The following TRPM3 variants were observed in gnomAD, a reference collection of about 807,000 sequenced individuals.
TRPM3 encodes long transient receptor potential channel 3.
A neutral mutation model predicts 181.2 loss-of-function variants in TRPM3; 77 were observed. The ratio of observed to expected loss-of-function variants is 0.42; its 90% CI spans 0.35 to 0.51. The LOEUF (loss-of-function observed/expected upper bound fraction) is 0.51, where lower values mean the gene tolerates loss of function less well. Among genes scored for constraint, TRPM3 ranks in the 20% least tolerant of loss-of-function variants. The pLI, the probability that TRPM3 is intolerant of heterozygous loss-of-function variation, is 0.01. For synonymous variants in TRPM3, 745 were observed against 796.4 expected, an observed-to-expected ratio of 0.94 and a Z score of 1.09; for missense variants, 1,759 against 2,196.7, an observed-to-expected ratio of 0.80 and a Z score of 3.98.
intron 1 of TRPM3, among the ~76,000 whole-genome samples, chr9:71,060,883 G>T (rs914099684): frequency 6.6e-6 from 1 of 152,010 alleles, no homozygotes; most frequent in African/African-American, 2.4e-5. Flanking sequence ...TTACCTGTGA[G>T]GGCAAATATT....
chr9:71,138,350 C>T (rs2074895040), intron 1 of TRPM3, among the ~76,000 whole-genome samples: 1 of 152,116 alleles, frequency 6.6e-6, no homozygotes, highest in African/African-American at 2.4e-5. Context: ...GCTTTTCCAT[C>T]CCCAGGTAGA....
At chr9:71,092,797 T>C (rs1269428204) in intron 1 of TRPM3, among the ~76,000 whole-genome samples, 1 of 152,168 alleles carries the variant, frequency 6.6e-6, no homozygotes, top group Non-Finnish European at 1.5e-5. Context: ...GACATTCATT[T>C]GTTTAAAAAT....
At chr9:70,833,606 C>T (rs2094106569) in intron 5 of TRPM3, among the ~76,000 whole-genome samples, 1 of 152,026 alleles carries the variant, frequency 6.6e-6, no homozygotes, top group African/African-American at 2.4e-5. Flanking sequence ...CCCACTAATC[C>T]TACTCTTTTC....
intron 1 of TRPM3, among the ~76,000 whole-genome samples, chr9:70,909,216 T>G (rs1332266641): frequency 6.6e-6 from 1 of 152,212 alleles, no homozygotes; most frequent in Non-Finnish European, 1.5e-5. Context: ...AGCCATCTAA[T>G]TTAGAAGAGT....
intron 18 of TRPM3, 45 bp from the exon 19 acceptor site, chr9:70,610,794 A>C: frequency 6.2e-7 from 1 of 1,605,744 alleles, no homozygotes; most frequent in Non-Finnish European, 8.5e-7. Flanking sequence ...GGCTCTGGAG[A>C]GCATGTTGTT....
chr9:71,180,033 C>A (rs945577706), intron 1 of TRPM3, among the ~76,000 whole-genome samples: 2 of 146,976 alleles, frequency 1.4e-5, no homozygotes, highest in African/African-American at 5.0e-5. Flanking sequence ...AAGGGGAGAA[C>A]CTTATCATAC....
intron 1 of TRPM3, among the ~76,000 whole-genome samples, chr9:70,938,937 G>T (rs1005091867): frequency 2.7e-5 from 4 of 148,916 alleles, no homozygotes; most frequent in African/African-American, 9.9e-5. Context: ...CAGCCTGGGG[G>T]ACAGAGCGAG....
At chr9:70,808,495 C>T (rs1209540465) in intron 6 of TRPM3, among the ~76,000 whole-genome samples, 1 of 152,162 alleles carries the variant, frequency 6.6e-6, no homozygotes, top group East Asian at 1.9e-4. Flanking sequence ...ACCAGTTTCG[C>T]TAAAATTTGC....
At chr9:71,285,691 T>A (rs2085224121) in intron 1 of TRPM3, among the ~76,000 whole-genome samples, 1 of 152,160 alleles carries the variant, frequency 6.6e-6, no homozygotes. Flanking sequence ...ATACAAGGCT[T>A]TCTTGGCTGA....
At chr9:70,919,600 A>G (rs1472373877) in intron 1 of TRPM3, among the ~76,000 whole-genome samples, 1 of 152,078 alleles carries the variant, frequency 6.6e-6, no homozygotes, top group Non-Finnish European at 1.5e-5. Context: ...CCTGGCCAAC[A>G]TGGTGAAACC....
At chr9:70,851,360 G>A (rs2095223190) in intron 3 of TRPM3, among the ~76,000 whole-genome samples, 2 of 152,190 alleles carry the variant, frequency 1.3e-5, no homozygotes, top group African/African-American at 4.8e-5. Context: ...TACAGATATT[G>A]TGTAATAATT....
At chr9:71,397,418 T>A (rs901965271) in intron 1 of TRPM3, among the ~76,000 whole-genome samples, 7 of 152,200 alleles carry the variant, frequency 4.6e-5, no homozygotes, top group Non-Finnish European at 8.8e-5. Flanking sequence ...GATAATCTTA[T>A]AAACTGTATC....
At chr9:70,968,979 G>C (rs1308404134) in intron 1 of TRPM3, among the ~76,000 whole-genome samples, 1 of 151,848 alleles carries the variant, frequency 6.6e-6, no homozygotes, top group African/African-American at 2.4e-5. Flanking sequence ...AAAACACTAA[G>C]AGCAATGGCA....
At chr9:71,039,818 C>A (rs1041851274) in intron 1 of TRPM3, among the ~76,000 whole-genome samples, 1 of 152,058 alleles carries the variant, frequency 6.6e-6, no homozygotes, top group Admixed American at 6.6e-5. Flanking sequence ...GTATCATTAT[C>A]ATTATGTATC....
At chr9:71,063,678 G>C (rs952352523) in intron 1 of TRPM3, among the ~76,000 whole-genome samples, 4 of 152,030 alleles carry the variant, frequency 2.6e-5, no homozygotes, top group Admixed American at 1.3e-4. Flanking sequence ...ATGGCTGAGG[G>C]GGCTGAGGGG....
chr9:70,598,807 G>A (rs1324577432), intron 20 of TRPM3, 137 bp from the exon 21 acceptor site: 28 of 1,038,642 alleles, frequency 2.7e-5, no homozygotes, highest in Non-Finnish European at 2.6e-5. Context: ...CTTGCATGCT[G>A]TAAAAGTCCG....
At chr9:71,036,887 A>G (rs1024835431) in intron 1 of TRPM3, among the ~76,000 whole-genome samples, 4 of 152,230 alleles carry the variant, frequency 2.6e-5, no homozygotes, top group African/African-American at 4.8e-5. Flanking sequence ...CATTTCAAAG[A>G]CACAAATCAG....
At chr9:71,158,549 C>T (rs1194735437) in intron 1 of TRPM3, among the ~76,000 whole-genome samples, 1 of 152,116 alleles carries the variant, frequency 6.6e-6, no homozygotes, top group African/African-American at 2.4e-5. Flanking sequence ...ATCTGAGCAA[C>T]ATGAACTAAT....
chr9:71,007,039 C>CAAAAAAAAAAAAAAAAAAAAAAAAA (rs59442017), intron 1 of TRPM3, among the ~76,000 whole-genome samples: 3 of 27,972 alleles, frequency 1.1e-4, no homozygotes, highest in African/African-American at 1.5e-4. Context: ...AACTCCATCT[C>CAAAAAAAAAAAAAAAAAAAAAAAAA]AAAAAAAAAA....
Sources: gnomAD v4.1 joint callset for allele counts (sites outside exome capture counted in the v4.1 genomes callset) on GRCh38, gnomAD v4.1.1 for gene constraint, MANE v1.5 for transcripts, NCBI Gene and HGNC (gene_info 2026-07-23, HGNC 2026-07-21) for gene names.